ARFGEF3: variants seen among roughly 807,000 people sequenced by gnomAD.
ARFGEF3 encodes ARFGEF family member 3, also known as brefeldin A-inhibited guanine nucleotide-exchange protein 3.
Under a neutral mutation model 221.7 loss-of-function variants are expected in ARFGEF3, and 96 were observed. The ratio of observed to expected loss-of-function variants is 0.43; its 90% CI spans 0.37 to 0.51. The LOEUF (loss-of-function observed/expected upper bound fraction) is 0.51. Ranked by LOEUF, ARFGEF3 falls within the 20% of genes least tolerant of loss-of-function variation. The pLI, the probability that ARFGEF3 is intolerant of heterozygous loss-of-function variation, is 0.00. For missense variants in ARFGEF3, 2,410 were observed against 2,789.9 expected (o/e 0.86, Z 3.07); for synonymous variants, 1,145 against 1,126.8 (o/e 1.02, Z -0.32).
rs566027171 is a variant in ARFGEF3, at chr6:138,208,897, G to A, written c.220-1013G>A. On this transcript the variant is annotated intron_variant, in intron 3 of 33. Coordinates refer to ENST00000251691, the MANE Select transcript of ARFGEF3 (RefSeq NM_020340.5). ...TTAGTGTGGAGAAGACAAGACTTAGGTGGACCTGATAGCTGGTTTCAGATA... is the reference window on the plus strand; with the variant it reads ...TTAGTGTGGAGAAGACAAGACTTAGATGGACCTGATAGCTGGTTTCAGATA... Among the ~76,000 whole-genome samples, 8 of 152,172 alleles carry A rather than the reference G, an allele frequency of 5.3e-5. No individual in the cohort carries two copies. In the South Asian group the frequency reaches 1.7e-3, roughly 32 times the overall value.
chr6:138,278,670 G>T lies in ARFGEF3; in HGVS notation c.2295+53G>T, dbSNP rs1779143722. ...GCAGAGGGCAGGCTGTAACTTCCTG[G>T]TGTACAGCCTAGCCTCAGTGCCCTG... On this transcript the variant is annotated intron_variant, in intron 13 of 33. Coordinates refer to ENST00000251691, the MANE Select transcript of ARFGEF3 (RefSeq NM_020340.5). The T allele has an allele frequency of 3.2e-6, 5 of 1,586,362 alleles. No homozygotes were observed. The African/African-American group carries it at 5.4e-5, about 17-fold the overall frequency.
rs142932650 is a variant in ARFGEF3, at chr6:138,278,038, G to T, written c.2129-413G>T. Among the ~76,000 whole-genome samples, 17 of 152,336 alleles carry T rather than the reference G, an allele frequency of 1.1e-4. 1 individual carries two copies. In the East Asian group the frequency reaches 3.3e-3, roughly 29 times the overall value. On this transcript the variant is annotated intron_variant, in intron 12 of 33. Transcript: ENST00000251691. The stretch of plus-strand genomic sequence containing the variant: ...TGGTGTGGCTGAGGGACAGCAGGCA[G>T]TCAGGGTGGCTGCGGGGAATGAGAG...
At chr6:138,306,084 A>G (rs1045057223) in intron 22 of ARFGEF3, among the ~76,000 whole-genome samples, 6 of 152,204 alleles carry the variant, frequency 3.9e-5, no homozygotes, top group Admixed American at 6.5e-5. Flanking sequence ...TATATAGAAC[A>G]TTATATGGGA....
At chr6:138,219,552 G>A (rs1378171184) in intron 4 of ARFGEF3, among the ~76,000 whole-genome samples, 1 of 152,176 alleles carries the variant, frequency 6.6e-6, no homozygotes, top group Non-Finnish European at 1.5e-5. Flanking sequence ...GGGGCCACCT[G>A]GGCTGAATGC....
rs1191785766 is a variant in ARFGEF3, at chr6:138,263,586, G to A, written c.2103G>A (p.Gln701=). The change falls in exon 12 of 34, where the codon CAG becomes CAA. Residue 701 remains glutamine, a synonymous_variant. Transcript: ENST00000251691. ...TAGAGGAGGTGGACACCGCTCTGCA[G>A]AACTTTGCCTCTACTTTCTGCTCAG... ...SNVEEVDTAL[Q]NFASTFCSGM... 1.9e-6 allele frequency: 3 copies of A among 1,604,270 alleles called. No homozygotes were observed. The highest frequency in any genetic ancestry group is 1.7e-5 in the Admixed American group (1 of 59,690).
intron 32 of ARFGEF3, among the ~76,000 whole-genome samples, chr6:138,328,709 TA>T (rs10709864): frequency 0.15 from 22,798 of 151,226 alleles, 2,962 homozygotes; most frequent in African/African-American, 0.36. Context: ...CTTATAATCT[TA>T]AAAAAAAATA....
At chr6:138,335,906 C>T (rs1290216869) in intron 33 of ARFGEF3, among the ~76,000 whole-genome samples, 1 of 152,160 alleles carries the variant, frequency 6.6e-6, no homozygotes, top group Non-Finnish European at 1.5e-5. Context: ...TAAAAATTCT[C>T]ATTCTTCAGG....
intron 7 of ARFGEF3, 29 bp downstream of exon 7, chr6:138,243,023 T>C: frequency 1.3e-6 from 2 of 1,591,040 alleles, no homozygotes; most frequent in Non-Finnish European, 1.7e-6. Flanking sequence ...ACTAGTTCAG[T>C]TTTTAAAGCA....
chr6:138,243,057 C>T, intron 7 of ARFGEF3, 63 bp downstream of exon 7: 1 of 1,298,550 alleles, frequency 7.7e-7, no homozygotes, highest in Non-Finnish European at 1.1e-6. Flanking sequence ...CTACTGTGTG[C>T]TTGGAGTGAG....
chr6:138,163,505 T>C (rs1776659488), intron 1 of ARFGEF3, among the ~76,000 whole-genome samples: 1 of 152,230 alleles, frequency 6.6e-6, no homozygotes, highest in South Asian at 2.1e-4. Flanking sequence ...GGTAACATGA[T>C]AAAGCAGGGC....
At chr6:138,220,222 C>T (rs900675272) in intron 4 of ARFGEF3, among the ~76,000 whole-genome samples, 13 of 152,068 alleles carry the variant, frequency 8.5e-5, no homozygotes, top group Admixed American at 5.9e-4. Context: ...AGGCTGGTCT[C>T]GAACTCCTGT....
chr6:138,241,331 T>C (rs1778390455), intron 6 of ARFGEF3, among the ~76,000 whole-genome samples: 1 of 152,234 alleles, frequency 6.6e-6, no homozygotes, highest in Non-Finnish European at 1.5e-5. Flanking sequence ...GCATAATTGA[T>C]TCTTCCGTTA....
chr6:138,273,207 G>A (rs192500583), intron 12 of ARFGEF3, among the ~76,000 whole-genome samples: 135 of 151,812 alleles, frequency 8.9e-4, no homozygotes, highest in African/African-American at 2.8e-3. Context: ...TGAGAGAAGC[G>A]GGGACTACTG....
At chr6:138,245,783 C>A (rs1335520308) in intron 8 of ARFGEF3, among the ~76,000 whole-genome samples, 192 bp downstream of exon 8, 1 of 152,120 alleles carries the variant, frequency 6.6e-6, no homozygotes, top group East Asian at 1.9e-4. Flanking sequence ...AACCAAATAC[C>A]ATTACTAGAG....
chr6:138,198,693 G>C (rs1777477430), intron 2 of ARFGEF3, among the ~76,000 whole-genome samples: 1 of 139,976 alleles, frequency 7.1e-6, no homozygotes, highest in Admixed American at 7.0e-5. Context: ...TCCAAAGCCA[G>C]ATTTTTTTCC....
chr6:138,291,791 C>A lies in ARFGEF3; in HGVS notation c.3106C>A (p.Pro1036Thr). 2 of 1,469,122 alleles carry A rather than the reference C, an allele frequency of 1.4e-6. No homozygotes were observed. The highest frequency in any genetic ancestry group is 1.5e-5 in the South Asian group (1 of 68,296). The allele number at this position is 1,469,122 out of a possible 1,614,324, so 91.0% of individuals were successfully genotyped here. ...HNHFSDGASQ[P>T]PLTISQPQKA... ...CCACTTCAGCGATGGTGCCTCGCAGCCCCCTCTGACCATCAGCCAGCCCCA... is the reference window on the plus strand; with the variant it reads ...CCACTTCAGCGATGGTGCCTCGCAGACCCCTCTGACCATCAGCCAGCCCCA... Residue 1036 changes from proline to threonine, a missense_variant, in exon 19 of 34, where the codon CCC becomes ACC. Physicochemically the swap from Pro to Thr is conservative, Grantham distance 38. Around this residue, in one of 5 missense-constraint regions of ARFGEF3, gnomAD observed 184 missense variants for 141.8 expected, o/e 1.30. Transcript: ENST00000251691. The surrounding 1 kb of genome is among the most constrained non-coding windows in gnomAD (Gnocchi z 4.5).
intron 22 of ARFGEF3, among the ~76,000 whole-genome samples, chr6:138,299,660 C>T (rs1232033312): frequency 6.6e-6 from 1 of 151,992 alleles, no homozygotes; most frequent in East Asian, 1.9e-4. Context: ...GGTTTTCCCG[C>T]GAGGGAATTT....
chr6:138,303,089 A>G (rs1414147111), intron 22 of ARFGEF3, among the ~76,000 whole-genome samples: 1 of 152,244 alleles, frequency 6.6e-6, no homozygotes, highest in African/African-American at 2.4e-5. Context: ...TATAAATAAC[A>G]TTAGCAGAAA....
At chr6:138,310,182 T>C (rs940660727) in intron 24 of ARFGEF3, among the ~76,000 whole-genome samples, 4 of 152,194 alleles carry the variant, frequency 2.6e-5, no homozygotes, top group African/African-American at 9.6e-5. Flanking sequence ...CACATAGACT[T>C]GGATGCGTTC....
Sources: allele counts gnomAD v4.1 joint callset (sites outside exome capture counted in the v4.1 genomes callset), GRCh38; gene constraint gnomAD v4.1.1; regional missense constraint gnomAD v4.1.1; non-coding constraint Gnocchi (gnomAD v3.1); transcripts MANE v1.5; gene names NCBI Gene and HGNC (gene_info 2026-07-23, HGNC 2026-07-21).